The following TENM4 variants were observed in gnomAD, a reference collection of about 807,000 sequenced individuals.
The protein encoded by TENM4 is teneurin transmembrane protein 4.
TENM4 carries 82 observed loss-of-function variants against 243.3 expected under a neutral mutation model. The observed-to-expected ratio is 0.34, with a 90% CI of 0.28 to 0.40. TENM4 has a LOEUF of 0.40. TENM4 is among the 10% of genes least tolerant of loss of function. The probability of loss-of-function intolerance (pLI) is 1.00; values close to 1 mark genes in which losing one functional copy is unlikely to be tolerated. For missense variants in TENM4, 3,138 were observed against 3,673.3 expected (o/e 0.85, Z 3.77); for synonymous variants, 1,412 against 1,456.3 (o/e 0.97, Z 0.69).
chr11:79,088,397 G>A (rs1219869154), intron 4 of TENM4, among the ~76,000 whole-genome samples: 2 of 152,202 alleles, frequency 1.3e-5, no homozygotes, highest in African/African-American at 4.8e-5. Context: ...CACAGAGGAA[G>A]ACATTCCTGT....
chr11:79,012,692 T>G lies in TENM4; in HGVS notation c.493+52046A>C, dbSNP rs139820329. Among the ~76,000 whole-genome samples, 23 of 152,340 alleles carry G rather than the reference T, an allele frequency of 1.5e-4. No individual in the cohort carries two copies. The East Asian group carries it at 4.2e-3, about 28-fold the overall frequency. ...GGAGGAGGTACAGGATGATGTTTAC[T>G]GAGTTTACAGCATATTCACCAGGGG... On this transcript the variant is annotated intron_variant, in intron 6 of 33. Coordinates refer to ENST00000278550, the MANE Select transcript of TENM4 (RefSeq NM_001098816.3).
intron 6 of TENM4, among the ~76,000 whole-genome samples, chr11:78,983,686 A>G (rs1857854636): frequency 6.6e-6 from 1 of 151,812 alleles, no homozygotes; most frequent in Non-Finnish European, 1.5e-5. Flanking sequence ...GGGCATGCCT[A>G]CCAACTGTGG....
intron 3 of TENM4, among the ~76,000 whole-genome samples, chr11:79,204,644 G>A (rs562265865): frequency 3.3e-5 from 5 of 152,310 alleles, no homozygotes; most frequent in African/African-American, 1.2e-4. Context: ...GCTTGAGGGA[G>A]AATAAATAGG....
rs66519824 is a variant in TENM4, at chr11:79,025,556, GGATA to G, written c.493+39178_493+39181del. ...TAATAGCTCATTTAGCCTTTGGCAA[GGATA>G]GATACTCTGTGGTAGGTATTATTAT... On this transcript the variant is annotated intron_variant, in intron 6 of 33. Transcript: ENST00000278550. Among the ~76,000 whole-genome samples the G allele has an allele frequency of 9.2e-3, 1,407 of 152,302 alleles. 14 individuals carry two copies. The highest frequency in any genetic ancestry group is 0.024 in the Middle Eastern group (7 of 294).
chr11:78,725,997 AT>A (rs1565350805), intron 23 of TENM4, 81 bp downstream of exon 23: 1 of 1,557,664 alleles, frequency 6.4e-7, no homozygotes, highest in Non-Finnish European at 8.7e-7. Flanking sequence ...CAAAATGTGA[AT>A]TTTTTGTTTG....
intron 32 of TENM4, among the ~76,000 whole-genome samples, chr11:78,667,436 T>C (rs1858184348): frequency 6.6e-6 from 1 of 152,172 alleles, no homozygotes; most frequent in African/African-American, 2.4e-5. Flanking sequence ...GTTGCCCCTC[T>C]ACACTTCTGT....
At chr11:78,949,239 C>T (rs530257979) in intron 6 of TENM4, among the ~76,000 whole-genome samples, 9 of 152,290 alleles carry the variant, frequency 5.9e-5, no homozygotes, top group Middle Eastern at 3.4e-3. Context: ...TTCATATTTG[C>T]GTTTTGAACC....
intron 9 of TENM4, among the ~76,000 whole-genome samples, chr11:78,873,201 T>G (rs956009514): frequency 6.6e-6 from 1 of 152,214 alleles, no homozygotes; most frequent in African/African-American, 2.4e-5. Context: ...GGCACTCATA[T>G]GTGAGTTACC....
intron 1 of TENM4, among the ~76,000 whole-genome samples, chr11:79,340,915 T>TGCA (rs1857231289): frequency 6.6e-6 from 1 of 152,212 alleles, no homozygotes; most frequent in Non-Finnish European, 1.5e-5. Flanking sequence ...AAAGGGACTG[T>TGCA]GCAGAGGTGA....
chr11:79,311,076 A>T (rs929552004), intron 1 of TENM4, among the ~76,000 whole-genome samples: 5 of 152,200 alleles, frequency 3.3e-5, no homozygotes, highest in African/African-American at 1.2e-4. Flanking sequence ...TAGCAGCAAG[A>T]TGGGACAAGA....
chr11:79,309,216 A>C (rs1191385541), intron 1 of TENM4, among the ~76,000 whole-genome samples: 5 of 152,232 alleles, frequency 3.3e-5, no homozygotes, highest in African/African-American at 1.2e-4. Context: ...ATTCTTTGGT[A>C]TTAAAAACAG....
At chr11:79,405,558 T>G (rs921220779) in intron 1 of TENM4, among the ~76,000 whole-genome samples, 2 of 152,054 alleles carry the variant, frequency 1.3e-5, no homozygotes, top group African/African-American at 4.8e-5. Context: ...CACTCTAACA[T>G]GTTTACTTGT....
chr11:79,116,156 C>A (rs986525390), intron 4 of TENM4, among the ~76,000 whole-genome samples: 7 of 152,300 alleles, frequency 4.6e-5, no homozygotes, highest in Middle Eastern at 3.4e-3. Context: ...TAGGTTTCTA[C>A]AAAGAATAAG....
At chr11:78,884,122 C>G (rs914913096) in intron 9 of TENM4, among the ~76,000 whole-genome samples, 6 of 152,202 alleles carry the variant, frequency 3.9e-5, no homozygotes, top group African/African-American at 1.4e-4. Context: ...TTCACCCCAA[C>G]CCTGTGAAGT....
rs1032098012 is a variant in TENM4 at position 78,903,413 on chromosome 11, G to T, written c.604C>A (p.Arg202=). 1 of 1,542,148 alleles carries T rather than the reference G, an allele frequency of 6.5e-7. No homozygotes were observed. Among genetic ancestry groups the T allele is most frequent in the Non-Finnish European group, 8.8e-7 (1 of 1,142,314 alleles). The change falls in exon 7 of 34, where the codon CGG becomes AGG. Residue 202 remains arginine (R), a synonymous_variant. Transcript: ENST00000278550. ...HHAASINSLN[R]GNFTPRSNPS... ...TTGCTCCTCGGCGTGAAGTTGCCCC[G>T]GTTCAGGGAGTTAATGGAGGCCGCG...
chr11:78,941,034 G>T (rs1856882033), intron 6 of TENM4, among the ~76,000 whole-genome samples: 1 of 152,166 alleles, frequency 6.6e-6, no homozygotes, highest in Non-Finnish European at 1.5e-5. Flanking sequence ...CAAACATCCT[G>T]CATTTTGAAT....
chr11:78,877,550 T>C (rs973510541), intron 9 of TENM4, among the ~76,000 whole-genome samples: 1 of 152,204 alleles, frequency 6.6e-6, no homozygotes, highest in Non-Finnish European at 1.5e-5. Context: ...TCCTTTTCCA[T>C]ACTCCCTGGG....
At chr11:79,080,148 A>C (rs976439542) in intron 4 of TENM4, among the ~76,000 whole-genome samples, 1 of 152,104 alleles carries the variant, frequency 6.6e-6, no homozygotes, top group Non-Finnish European at 1.5e-5. Context: ...CAGATTTAAC[A>C]TATCTCCCAC....
At chr11:78,778,571 C>A in intron 17 of TENM4, 31 bp downstream of exon 17, 2 of 1,607,216 alleles carry the variant, frequency 1.2e-6, no homozygotes, top group South Asian at 1.1e-5. Flanking sequence ...CACACAAAGA[C>A]AACAGGAAAA....
Sources: gnomAD v4.1 joint callset for allele counts (sites outside exome capture counted in the v4.1 genomes callset) on GRCh38, gnomAD v4.1.1 for gene constraint, MANE v1.5 for transcripts, NCBI Gene and HGNC (gene_info 2026-07-23, HGNC 2026-07-21) for gene names.